OVGP1: variants seen among roughly 807,000 people sequenced by gnomAD.
OVGP1 encodes the protein oviduct-specific glycoprotein.
In OVGP1, 26 loss-of-function variants were observed where a neutral mutation model predicts 48.2. The observed-to-expected ratio is 0.54, with a 90% CI of 0.40 to 0.75. The LOEUF is 0.75. Ranked by LOEUF, OVGP1 falls within the 30% of genes least tolerant of loss-of-function variation. The pLI, the probability that OVGP1 is intolerant of heterozygous loss-of-function variation, is 0.00. For missense variants in OVGP1, 791 were observed against 820.6 expected (o/e 0.96, Z 0.44); for synonymous variants, 294 against 305.7 (o/e 0.96, Z 0.40).
At position 111,414,694 on chromosome 1, in the gene OVGP1, T is replaced by G. The variant is rs751085470; in HGVS notation, c.1807A>C (p.Thr603Pro). 2 of 1,613,920 alleles carry G rather than the reference T, an allele frequency of 1.2e-6. No individual in the cohort carries two copies. Among genetic ancestry groups the G allele is most frequent in the South Asian group, 1.1e-5 (1 of 91,066 alleles). The change falls in exon 11 of 11, where the codon ACT becomes CCT. Residue 603 changes from threonine to proline, a missense_variant. By Grantham distance (38) the Thr-to-Pro change is conservative. Coordinates refer to ENST00000369732, the MANE Select transcript of OVGP1 (RefSeq NM_002557.4). ...RGENLTSEVGTHPRMGNLGLQ... is the reference protein window; with the variant it reads ...RGENLTSEVGPHPRMGNLGLQ... ...CCCAAGTTACCCATCCTGGGGTGAG[T>G]GCCCACCTCAGAAGTCAAATTCTCC... is the stretch of plus-strand genomic sequence containing the variant.
In OVGP1 at chr1:111,421,595, G is replaced by T. The variant is rs376499068; in HGVS notation, c.687C>A (p.Leu229=). 6.2e-7 allele frequency: 1 copy of T among 1,613,000 alleles called. No homozygotes were observed. The highest frequency in any genetic ancestry group is 1.3e-5 in the African/African-American group (1 of 74,928). ...ATTTGGGGTCTTCAGGCAGAGAGAA[G>T]AGGGGGCTATTATGTCCTGTGAACC... ...WERFTGHNSP[L]FSLPEDPKSS... The change falls in exon 7 of 11, where the codon CTC becomes CTA. Residue 229 remains leucine, a synonymous_variant. Transcript: ENST00000369732.
Position 111,414,476 on chromosome 1 carries a change from A to G in OVGP1, c.2025T>C (p.Asp675=), listed in dbSNP as rs1217813746. Residue 675 remains aspartate (D), a synonymous_variant, in exon 11 of 11, where the codon GAT becomes GAC. Transcript: ENST00000369732. ...ACACCAGAGGGGCTTAGGCTTCTTC[A>G]TCCACAGCAGAGTTTTCTGGGATTT... ...KKEIPENSAV[D]EEA 1.2e-6 allele frequency: 2 copies of G among 1,611,608 alleles called. No individual in the cohort carries two copies. Among genetic ancestry groups the G allele is most frequent in the Non-Finnish European group, 1.7e-6 (2 of 1,178,450 alleles).
In OVGP1 at chr1:111,425,393, C is replaced by T. The variant is rs200720101; in HGVS notation, c.307G>A (p.Gly103Ser). The T allele has an allele frequency of 6.2e-7, 1 of 1,613,356 alleles. No individual in the cohort carries two copies. Among genetic ancestry groups the T allele is most frequent in the East Asian group, 2.2e-5 (1 of 44,862 alleles). ...TLLSIGGWNFGTSRFTTMLST... is the reference protein window; with the variant it reads ...TLLSIGGWNFSTSRFTTMLST... ...ACAGCAAAGTCTCACCTTGAGGTGC[C>T]AAAGTTCCACCCGCCGATGGACAGT... Residue 103 changes from glycine (G) to serine (S), a missense_variant, in exon 4 of 11, where the codon GGC (glycine) becomes AGC (serine). Transcript: ENST00000369732.
At chr1:111,427,649 C>T in intron 1 of OVGP1, 48 bp downstream of exon 1, 1 of 1,608,632 alleles carries the variant, frequency 6.2e-7, no homozygotes, top group Non-Finnish European at 8.5e-7. Flanking sequence ...CTCATAAAGC[C>T]TGGCACTTCC....
Position 111,422,957 on chromosome 1 carries a change from T to G in OVGP1, c.578A>C (p.Gln193Pro). The change falls in exon 6 of 11, where the codon CAA becomes CCA. Residue 193 changes from glutamine (Q) to proline (P), a missense_variant. By Grantham distance (76) the Gln-to-Pro change is moderately conservative. Coordinates refer to ENST00000369732, the MANE Select transcript of OVGP1 (RefSeq NM_002557.4). ...AAVSGVPHIV[Q>P]TSYDVRFLGR... ...TAGAAAGCGCACATCATAGGATGTT[T>G]GGACGATGTGTGGGACCCCAGAAAC... The G allele has an allele frequency of 1.9e-6, 3 of 1,614,166 alleles. No homozygotes were observed. Among genetic ancestry groups the G allele is most frequent in the Non-Finnish European group, 1.7e-6 (2 of 1,180,020 alleles).
chr1:111,426,298 G>T, intron 3 of OVGP1, 139 bp downstream of exon 3: 1 of 1,153,056 alleles, frequency 8.7e-7, no homozygotes. Flanking sequence ...CTCAAGTTGG[G>T]GGTGCTCTGG....
chr1:111,420,724 T>C (rs1195838383), intron 8 of OVGP1, among the ~76,000 whole-genome samples: 2 of 152,136 alleles, frequency 1.3e-5, no homozygotes, highest in African/African-American at 2.4e-5. Flanking sequence ...AATAGCAAGC[T>C]TGGTTGAGAC....
intron 9 of OVGP1, among the ~76,000 whole-genome samples, chr1:111,418,254 G>C (rs1652181212): frequency 1.3e-5 from 2 of 152,088 alleles, no homozygotes; most frequent in South Asian, 4.1e-4. Context: ...GCTCATCCCA[G>C]GGCCTCACCC....
chr1:111,421,977 T>C (rs1325133793), intron 6 of OVGP1, among the ~76,000 whole-genome samples: 1 of 152,198 alleles, frequency 6.6e-6, no homozygotes, highest in African/African-American at 2.4e-5. Flanking sequence ...CAAATGGTCA[T>C]GAGTAAAAGC....
chr1:111,425,401 C>T lies in OVGP1; in HGVS notation c.299G>A (p.Trp100Ter), dbSNP rs1483254481. ...GTCTCACCTTGAGGTGCCAAAGTTC[C>T]ACCCGCCGATGGACAGTAGTGTTTT... ...ELKTLLSIGG[W>*]NFGTSRFTTM... The change falls in exon 4 of 11, where the codon TGG (tryptophan) becomes TAG (stop). Residue 100 changes from tryptophan (W) to a stop codon, truncating the protein, a stop_gained. Transcript: ENST00000369732. LOFTEE classifies it high-confidence loss of function. The T allele has an allele frequency of 9.9e-6, 16 of 1,613,686 alleles. No homozygotes were observed. Among genetic ancestry groups the T allele is most frequent in the African/African-American group, 2.7e-5 (2 of 74,894 alleles).
chr1:111,417,259 G>C (rs2101723054), intron 9 of OVGP1, among the ~76,000 whole-genome samples: 1 of 152,274 alleles, frequency 6.6e-6, no homozygotes, highest in African/African-American at 2.4e-5. Flanking sequence ...ATCTCACCGT[G>C]ATGCTATAAA....
Position 111,414,885 on chromosome 1 carries a change from G to C in OVGP1, c.1616C>G (p.Ser539Cys), listed in dbSNP as rs749144564. 1 of 747,786 alleles carries C rather than the reference G, an allele frequency of 1.3e-6. No individual in the cohort carries two copies. The highest frequency in any genetic ancestry group is 1.9e-6 in the Non-Finnish European group (1 of 534,284). 46.3% of individuals were successfully genotyped at this position (747,786 alleles called of 1,614,324 possible). Residue 539 changes from serine (S) to cysteine (C), a missense_variant, in exon 11 of 11, where the codon TCT (serine) becomes TGT (cysteine). Transcript: ENST00000369732. Reference sequence around the variant, plus strand: ...CATAGTCGTTCCTCCAGGGCTCACAGACTGATGACTCACAGGGGTCACAGA... The same window carrying C: ...CATAGTCGTTCCTCCAGGGCTCACACACTGATGACTCACAGGGGTCACAGA... ...HQSVTPVSHQSVSPGGTTMTP... is the reference protein window; with the variant it reads ...HQSVTPVSHQCVSPGGTTMTP...
At chr1:111,425,294 C>A (rs1403364901) in intron 4 of OVGP1, 89 bp downstream of exon 4, 11 of 1,494,144 alleles carry the variant, frequency 7.4e-6, no homozygotes, top group Non-Finnish European at 9.2e-6. Flanking sequence ...TTGCTGTCCG[C>A]ATGGCCAAGC....
rs757275855 is a variant in OVGP1 at position 111,415,069 on chromosome 1, T to C, written c.1432A>G (p.Thr478Ala). The change falls in exon 11 of 11, where the codon ACC becomes GCC. Residue 478 changes from threonine (T) to alanine (A), a missense_variant. Coordinates refer to ENST00000369732, the MANE Select transcript of OVGP1 (RefSeq NM_002557.4). ...GACTGATGACCCACAGAAGTCATGG[T>C]CATTGCCCCAGTGATCTCAGTCTTC... is the stretch of plus-strand genomic sequence containing the variant. Reference protein sequence around the residue: ...GEKTEITGAMTMTSVGHQSMT... With the variant: ...GEKTEITGAMAMTSVGHQSMT... The C allele has an allele frequency of 1.0e-4, 167 of 1,613,986 alleles. 2 individuals carry two copies. The Admixed American group carries it at 2.8e-3, about 27-fold the overall frequency.
intron 7 of OVGP1, 43 bp downstream of exon 7, chr1:111,421,522 G>A (rs1264885): frequency 8.7e-6 from 14 of 1,608,698 alleles, no homozygotes; most frequent in Non-Finnish European, 1.2e-5. Flanking sequence ...CTGAGCTCAG[G>A]GGGGCAGATG....
chr1:111,416,355 A>G lies in OVGP1; in HGVS notation c.1124T>C (p.Val375Ala), dbSNP rs1652135275. 4 of 1,604,184 alleles carry G rather than the reference A, an allele frequency of 2.5e-6. No homozygotes were observed. The highest frequency in any genetic ancestry group is 1.7e-5 in the Admixed American group (1 of 58,654). The change falls in exon 10 of 11, where the codon GTC becomes GCC. Residue 375 changes from valine (V) to alanine (A), a missense_variant. By Grantham distance (64) the Val-to-Ala change is moderately conservative (BLOSUM62 0). Transcript: ENST00000369732. Reference sequence around the variant, plus strand: ...CACCAGGATATCATTCAATACGTAGACAAGGGGGAAAGGGCCAGTGCCACA... The same window carrying G: ...CACCAGGATATCATTCAATACGTAGGCAAGGGGGAAAGGGCCAGTGCCACA... ...TFCGTGPFPL[V>A]YVLNDILVRA... is the part of the protein sequence containing the mutation.
At chr1:111,425,473 T>C (rs748673405) in intron 3 of OVGP1, 34 bp from the exon 4 acceptor site, 10 of 1,613,822 alleles carry the variant, frequency 6.2e-6, no homozygotes, top group Non-Finnish European at 8.5e-6. Context: ...ATGAGCTGGG[T>C]TCTTCACTCC....
chr1:111,427,453 G>T, intron 1 of OVGP1: 1 of 816,128 alleles, frequency 1.2e-6, no homozygotes, highest in Non-Finnish European at 1.5e-6. Flanking sequence ...TAACAGAACT[G>T]GTCCAAGGTG....
rs762448602 is a variant in OVGP1 at position 111,416,348 on chromosome 1, T to C, written c.1131A>G (p.Val377=). ...CGTGPFPLVY[V]LNDILVRAEF... Reference sequence around the variant, plus strand: ...CAGCCCGCACCAGGATATCATTCAATACGTAGACAAGGGGGAAAGGGCCAG... The same window carrying C: ...CAGCCCGCACCAGGATATCATTCAACACGTAGACAAGGGGGAAAGGGCCAG... Residue 377 remains valine, a synonymous_variant, in exon 10 of 11, where the codon GTA becomes GTG. Transcript: ENST00000369732. 2.5e-6 allele frequency: 4 copies of C among 1,602,488 alleles called. No homozygotes were observed. The highest frequency in any genetic ancestry group is 1.3e-5 in the African/African-American group (1 of 74,962).
Sources: gnomAD v4.1 joint callset for allele counts (sites outside exome capture counted in the v4.1 genomes callset) on GRCh38, gnomAD v4.1.1 for gene constraint, MANE v1.5 for transcripts, NCBI Gene and HGNC (gene_info 2026-07-23, HGNC 2026-07-21) for gene names.